The following NPEPPS variants were observed in gnomAD, a reference collection of about 807,000 sequenced individuals.
The protein encoded by NPEPPS is aminopeptidase puromycin sensitive, also known as puromycin-sensitive aminopeptidase.
In NPEPPS, 14 loss-of-function variants were observed where a neutral mutation model predicts 115.5. The observed-to-expected ratio is 0.12, with a 90% CI of 0.08 to 0.19. The LOEUF (loss-of-function observed/expected upper bound fraction) is 0.19, where lower values mean the gene tolerates loss of function less well. Among genes scored for constraint, NPEPPS ranks in the 10% least tolerant of loss-of-function variants. The pLI, the probability that NPEPPS is intolerant of heterozygous loss-of-function variation, is 1.00. For synonymous variants in NPEPPS, 285 were observed against 390.6 expected, an observed-to-expected ratio of 0.73 and a Z score of 3.19; for missense variants, 523 against 1,110.8, an observed-to-expected ratio of 0.47 and a Z score of 7.52.
In NPEPPS at chr17:47,603,901, G is replaced by A. The variant is rs267604925; in HGVS notation, c.1741-14G>A. The A allele has an allele frequency of 6.3e-7, 1 of 1,595,606 alleles. No individual in the cohort carries two copies. ...ATGGAGCTGTTTAATAGTACTTACT[G>A]GATATCTTTGCAGTTAAACTTAGGA... On this transcript the variant is annotated splice_polypyrimidine_tract_variant and intron_variant, in intron 15 of 22. Transcript: ENST00000322157.
chr17:47,612,330 ATTAAGT>A, intron 17 of NPEPPS, 124 bp from the exon 18 acceptor site: 2 of 811,058 alleles, frequency 2.5e-6, no homozygotes, highest in Non-Finnish European at 3.8e-6. Flanking sequence ...TCTCTCAGGT[ATTAAGT>A]TAATTGAGTG....
upstream of NPEPPS, among the ~76,000 whole-genome samples, chr17:47,527,465 C>G (rs1171307619): frequency 6.6e-6 from 1 of 151,684 alleles, no homozygotes; most frequent in Non-Finnish European, 1.5e-5. Flanking sequence ...GCCTGGGCAA[C>G]AAGAGTGAAA....
chr17:47,567,467 A>G (rs1355851448), intron 2 of NPEPPS, among the ~76,000 whole-genome samples: 2 of 152,208 alleles, frequency 1.3e-5, no homozygotes, highest in African/African-American at 4.8e-5. Flanking sequence ...TGTGACTGAT[A>G]AAGGTACTCA....
intron 1 of NPEPPS, among the ~76,000 whole-genome samples, chr17:47,532,300 T>G (rs1462237384): frequency 2.0e-5 from 3 of 152,104 alleles, no homozygotes; most frequent in African/African-American, 7.2e-5. Context: ...TTCCTAGCTT[T>G]GCGGCCTTCG....
At chr17:47,621,716 T>C (rs1914585461) in intron 22 of NPEPPS, 52 bp from the exon 23 acceptor site, 6 of 1,532,160 alleles carry the variant, frequency 3.9e-6, no homozygotes, top group Admixed American at 1.8e-5. Context: ...ACCTGTAATA[T>C]TAACTTCTTA....
chr17:47,590,380 C>T (rs1912426243), intron 9 of NPEPPS, among the ~76,000 whole-genome samples: 1 of 151,470 alleles, frequency 6.6e-6, no homozygotes, highest in East Asian at 1.9e-4. Flanking sequence ...AAAAATTAGG[C>T]AGGCATAGTG....
chr17:47,591,902 A>G (rs1912528915), intron 10 of NPEPPS, 54 bp from the exon 11 acceptor site: 3 of 647,272 alleles, frequency 4.6e-6, no homozygotes, highest in Non-Finnish European at 8.2e-6. Context: ...TATGTAATTC[A>G]GTATTACAGG....
Position 47,605,398 on chromosome 17 carries a change from C to T in NPEPPS, c.1941C>T (p.Pro647=). The T allele has an allele frequency of 6.2e-7, 1 of 1,611,384 alleles. No individual in the cohort carries two copies. The highest frequency in any genetic ancestry group is 8.5e-7 in the Non-Finnish European group (1 of 1,178,760). The change falls in exon 17 of 23, where the codon CCC becomes CCT. Residue 647 remains proline (P), a synonymous_variant. Coordinates refer to ENST00000322157, the MANE Select transcript of NPEPPS (RefSeq NM_006310.4). ...LKVMEAFVNE[P]NYTVWSDLSC... ...TCATGGAGGCTTTTGTGAATGAGCC[C>T]AATTATACTGTATGGAGCGACCTGA...
At chr17:47,571,432 A>T (rs1341022021) in intron 3 of NPEPPS, among the ~76,000 whole-genome samples, 8 of 152,252 alleles carry the variant, frequency 5.3e-5, no homozygotes, top group South Asian at 2.1e-4. Context: ...TTATAAAAAT[A>T]AATGGGCTGG....
chr17:47,570,004 G>T (rs1911099642), intron 3 of NPEPPS, among the ~76,000 whole-genome samples: 2 of 152,138 alleles, frequency 1.3e-5, no homozygotes, highest in South Asian at 2.1e-4. Flanking sequence ...GAAAAGCAGG[G>T]TTTCCACCTC....
intron 1 of NPEPPS, among the ~76,000 whole-genome samples, chr17:47,531,906 C>A (rs1301438588): frequency 6.6e-6 from 1 of 152,230 alleles, no homozygotes; most frequent in South Asian, 2.1e-4. Flanking sequence ...GATAGTGTTC[C>A]GGGGGAGGCT....
intron 13 of NPEPPS, among the ~76,000 whole-genome samples, chr17:47,598,906 T>G (rs886714521): frequency 1.3e-5 from 2 of 152,112 alleles, no homozygotes; most frequent in African/African-American, 2.4e-5. Flanking sequence ...CCTAGCACTT[T>G]AGGAGGCTAA....
At chr17:47,532,481 C>T (rs1204106033) in intron 1 of NPEPPS, among the ~76,000 whole-genome samples, 1 of 151,898 alleles carries the variant, frequency 6.6e-6, no homozygotes, top group Non-Finnish European at 1.5e-5. Context: ...GGTGAAACCC[C>T]CGTCTCTACT....
chr17:47,530,660 A>G (rs1907672473), upstream of NPEPPS, among the ~76,000 whole-genome samples: 1 of 152,134 alleles, frequency 6.6e-6, no homozygotes, highest in Non-Finnish European at 1.5e-5. Context: ...CCCGGCTATT[A>G]AAGGTTTTAT....
At chr17:47,537,531 A>G (rs1276512911) in intron 1 of NPEPPS, among the ~76,000 whole-genome samples, 5 of 152,090 alleles carry the variant, frequency 3.3e-5, no homozygotes, top group African/African-American at 1.2e-4. Flanking sequence ...GTCTCTACAA[A>G]AAAATACAAA....
upstream of NPEPPS, among the ~76,000 whole-genome samples, chr17:47,530,100 C>T (rs1907628091): frequency 6.9e-5 from 1 of 14,464 alleles, no homozygotes; most frequent in Admixed American, 4.5e-4. Context: ...CCAAGCCCGG[C>T]TATTTTTTTT....
Position 47,536,246 on chromosome 17 carries a change from C to T in NPEPPS, c.255+4691C>T, listed in dbSNP as rs377219725. Among the ~76,000 whole-genome samples the T allele has an allele frequency of 2.0e-5, 3 of 152,198 alleles. No homozygotes were observed. In the East Asian group the frequency reaches 5.8e-4, roughly 29 times the overall value. ...CCCTGGCCTCTACTAACAAAATATA[C>T]ATGTTGGAGATAACTAAATTGGCAC... On this transcript the variant is annotated intron_variant, in intron 1 of 22. Coordinates refer to ENST00000322157, the MANE Select transcript of NPEPPS (RefSeq NM_006310.4).
Position 47,623,237 on chromosome 17 carries a change from AAAAC to A in NPEPPS, c.*1319_*1322del, listed in dbSNP as rs1367194217. ...GCTATTGTTTTAAAAAAATAATTAA[AAAAC>A]AGTTGGCGTTAATAAAAATGTCAAT... On this transcript the variant is annotated 3_prime_UTR_variant, in exon 23 of 23. Coordinates refer to ENST00000322157, the MANE Select transcript of NPEPPS (RefSeq NM_006310.4). The A allele has an allele frequency of 2.8e-5, 5 of 175,808 alleles. No individual in the cohort carries two copies. Among genetic ancestry groups the A allele is most frequent in the African/African-American group, 1.2e-4 (5 of 41,610 alleles). The allele number at this position is 175,808 out of a possible 1,614,324, so 10.9% of individuals were successfully genotyped here. A position where few individuals can be genotyped will look rare whatever the true frequency, so the allele number is the denominator to read the frequency against.
At chr17:47,538,529 T>TC (rs1242211431) in intron 1 of NPEPPS, among the ~76,000 whole-genome samples, 4 of 141,246 alleles carry the variant, frequency 2.8e-5, no homozygotes, top group African/African-American at 1.0e-4. Context: ...CTGTTTTCTT[T>TC]TTTTTTTTTT....
Sources: gnomAD v4.1 joint callset for allele counts (sites outside exome capture counted in the v4.1 genomes callset) on GRCh38, gnomAD v4.1.1 for gene constraint, MANE v1.5 for transcripts, NCBI Gene and HGNC (gene_info 2026-07-23, HGNC 2026-07-21) for gene names.